Variants in GPR137B observed in about 807,000 individuals in gnomAD.
GPR137B encodes the protein integral membrane protein GPR137B.
In GPR137B, 42 loss-of-function variants were observed where a neutral mutation model predicts 42.5. The ratio of observed to expected loss-of-function variants is 0.99; its 90% CI spans 0.77 to 1.28. GPR137B has a LOEUF of 1.28. Ranked by LOEUF, GPR137B falls within the 50% of genes most tolerant of loss-of-function variation. The pLI, the probability that GPR137B is intolerant of heterozygous loss-of-function variation, is 0.00. For synonymous variants in GPR137B, 218 were observed against 209.7 expected (o/e 1.04, Z -0.34); for missense variants, 487 against 493.9 (o/e 0.99, Z 0.13).
chr1:236,163,121 G>C (rs949815845), intron 1 of GPR137B, among the ~76,000 whole-genome samples: 1 of 152,198 alleles, frequency 6.6e-6, no homozygotes, highest in African/African-American at 2.4e-5. Flanking sequence ...ACTGTGACCT[G>C]GATGTGAGAC....
Position 236,142,591 on chromosome 1 carries a change from C to G in GPR137B, c.-32C>G. 1 of 1,265,394 alleles carries G rather than the reference C, an allele frequency of 7.9e-7. No homozygotes were observed. The highest frequency in any genetic ancestry group is 2.5e-5 in the South Asian group (1 of 40,128). The allele number at this position is 1,265,394 out of a possible 1,614,324, so 78.4% of individuals were successfully genotyped here. A position where few individuals can be genotyped will look rare whatever the true frequency, so the allele number is the denominator to read the frequency against. On this transcript the variant is annotated 5_prime_UTR_variant, in exon 1 of 7. Coordinates refer to ENST00000366592, the MANE Select transcript of GPR137B (RefSeq NM_003272.4). ...CAGGCTGAGCGCGATGCGCGGAGAC[C>G]CCCGCGGGGGCGGCGGCGGCCGTGA...
intron 5 of GPR137B, among the ~76,000 whole-genome samples, chr1:236,197,117 T>G (rs916879138): frequency 2.0e-5 from 3 of 152,230 alleles, no homozygotes; most frequent in Non-Finnish European, 4.4e-5. Context: ...TGGTTTTGGT[T>G]TGCATTCCTC....
chr1:236,191,513 C>T (rs900382604), intron 5 of GPR137B, among the ~76,000 whole-genome samples: 2 of 152,110 alleles, frequency 1.3e-5, no homozygotes, highest in African/African-American at 2.4e-5. Flanking sequence ...TGGTGACCTT[C>T]GGATGGGGTC....
chr1:236,165,421 T>C (rs1571974884), intron 1 of GPR137B, among the ~76,000 whole-genome samples: 1 of 152,220 alleles, frequency 6.6e-6, no homozygotes, highest in Admixed American at 6.5e-5. Context: ...TTGTGAGTTA[T>C]CCGCATCTTG....
At chr1:236,181,893 ATT>A (rs562504942) in intron 4 of GPR137B, among the ~76,000 whole-genome samples, 1,250 of 121,468 alleles carry the variant, frequency 0.01, 38 homozygotes, top group African/African-American at 0.042. Flanking sequence ...AATATTTGCT[ATT>A]TTTTTTTTTT....
chr1:236,182,584 A>T (rs1299307447), intron 4 of GPR137B, among the ~76,000 whole-genome samples: 1 of 152,054 alleles, frequency 6.6e-6, no homozygotes, highest in African/African-American at 2.4e-5. Context: ...AAAATAAAAA[A>T]TTAAAATTAA....
intron 6 of GPR137B, among the ~76,000 whole-genome samples, chr1:236,206,577 G>A (rs1297664594): frequency 2.0e-5 from 3 of 152,132 alleles, no homozygotes; most frequent in African/African-American, 4.8e-5. Flanking sequence ...CTACCAGTCC[G>A]CTGCCATCGC....
intron 2 of GPR137B, among the ~76,000 whole-genome samples, chr1:236,177,185 G>T (rs1024170731): frequency 2.0e-5 from 3 of 152,150 alleles, no homozygotes; most frequent in Admixed American, 1.3e-4. Flanking sequence ...GGATTAGCCT[G>T]AGTAAGTGGG....
chr1:236,180,810 G>C (rs1223231244), intron 4 of GPR137B, among the ~76,000 whole-genome samples: 1 of 151,970 alleles, frequency 6.6e-6, no homozygotes, highest in Non-Finnish European at 1.5e-5. Context: ...TAGAGATGGG[G>C]TTTCACCATG....
chr1:236,208,339 C>T lies in GPR137B; in HGVS notation c.*181C>T. On this transcript the variant is annotated 3_prime_UTR_variant, in exon 7 of 7. Transcript: ENST00000366592. ...AGACTGATAAACCCTTATTTTAGTACTAAAGAGGGAGCCTTGCTATTTCAG... is the reference window on the plus strand; with the variant it reads ...AGACTGATAAACCCTTATTTTAGTATTAAAGAGGGAGCCTTGCTATTTCAG... 1 of 1,308,682 alleles carries T rather than the reference C, an allele frequency of 7.6e-7. No homozygotes were observed. Among genetic ancestry groups the T allele is most frequent in the Non-Finnish European group, 9.8e-7 (1 of 1,024,286 alleles). 81.1% of individuals were successfully genotyped at this position (1,308,682 alleles called of 1,614,324 possible).
chr1:236,178,709 C>A, intron 3 of GPR137B, 73 bp downstream of exon 3: 2 of 827,724 alleles, frequency 2.4e-6, no homozygotes, highest in Non-Finnish European at 1.9e-6. Context: ...TGCAAAAGTA[C>A]ATTTTGATGA....
chr1:236,158,295 C>T (rs553291809), intron 1 of GPR137B, among the ~76,000 whole-genome samples: 81 of 152,222 alleles, frequency 5.3e-4, no homozygotes, highest in Admixed American at 9.8e-4. Flanking sequence ...TGTGGTTGCA[C>T]GTGCCTATAA....
At chr1:236,184,478 G>T (rs1256915853) in intron 5 of GPR137B, among the ~76,000 whole-genome samples, 1 of 152,146 alleles carries the variant, frequency 6.6e-6, no homozygotes, top group Non-Finnish European at 1.5e-5. Context: ...GAAACCACCT[G>T]GGAGCCTTGT....
intron 5 of GPR137B, among the ~76,000 whole-genome samples, chr1:236,184,571 T>C (rs772279160): frequency 5.9e-5 from 9 of 151,972 alleles, no homozygotes; most frequent in Non-Finnish European, 1.3e-4. Flanking sequence ...GTACAGTGAG[T>C]GGATTTGGGG....
intron 1 of GPR137B, among the ~76,000 whole-genome samples, chr1:236,158,399 AG>A (rs1247575219): frequency 6.6e-6 from 1 of 152,210 alleles, no homozygotes; most frequent in Non-Finnish European, 1.5e-5. Flanking sequence ...GCTCCAGCCT[AG>A]GCAACAAAAG....
At chr1:236,207,047 A>G in intron 6 of GPR137B, 1 of 569,134 alleles carries the variant, frequency 1.8e-6, no homozygotes, top group Non-Finnish European at 2.2e-6. Flanking sequence ...TAAAAAATAT[A>G]TGCTTGCCTT....
intron 1 of GPR137B, among the ~76,000 whole-genome samples, chr1:236,167,880 C>G (rs1662406939): frequency 6.6e-6 from 1 of 152,230 alleles, no homozygotes; most frequent in Non-Finnish European, 1.5e-5. Context: ...TTCTCGAAGG[C>G]TCTGCCAGGC....
chr1:236,189,337 A>G (rs1663123338), intron 5 of GPR137B, among the ~76,000 whole-genome samples: 1 of 151,440 alleles, frequency 6.6e-6, no homozygotes, highest in Non-Finnish European at 1.5e-5. Flanking sequence ...CTCTGCTCTG[A>G]TCTTAGTTAT....
Position 236,208,455 on chromosome 1 carries a change from G to GTTT in GPR137B, c.*304_*306dup. On this transcript the variant is annotated 3_prime_UTR_variant, in exon 7 of 7. Coordinates refer to ENST00000366592, the MANE Select transcript of GPR137B (RefSeq NM_003272.4). Reference sequence around the variant, plus strand: ...AATAATAATGCTAAAGTATACTAGGGTTTTTTTTTCTTGAGAATGTTACTG... The same window carrying GTTT: ...AATAATAATGCTAAAGTATACTAGGGTTTTTTTTTTTTCTTGAGAATGTTACTG... 1.1e-5 allele frequency: 9 copies of GTTT among 826,070 alleles called. No individual in the cohort carries two copies. The highest frequency in any genetic ancestry group is 1.9e-5 in the African/African-American group (1 of 53,782). The allele number at this position is 826,070 out of a possible 1,614,324, so 51.2% of individuals were successfully genotyped here.
Sources: allele counts gnomAD v4.1 joint callset (sites outside exome capture counted in the v4.1 genomes callset), GRCh38; gene constraint gnomAD v4.1.1; transcripts MANE v1.5; gene names NCBI Gene and HGNC (gene_info 2026-07-23, HGNC 2026-07-21).